The following KCNJ1 variants were observed in gnomAD, a reference collection of about 807,000 sequenced individuals.
KCNJ1 encodes the protein potassium inwardly rectifying channel subfamily J member 1.
KCNJ1 carries 24 observed loss-of-function variants against 21.9 expected under a neutral mutation model. The ratio of observed to expected loss-of-function variants is 1.10; its 90% confidence interval spans 0.79 to 1.54. The LOEUF (loss-of-function observed/expected upper bound fraction) is 1.54. Among genes scored for constraint, KCNJ1 ranks in the 40% most tolerant of loss-of-function variants. The pLI, the probability that KCNJ1 is intolerant of heterozygous loss-of-function variation, is 0.00. For missense variants in KCNJ1, 457 were observed against 455.4 expected, an observed-to-expected ratio of 1.00 and a Z score of -0.03; for synonymous variants, 152 against 160.9, an observed-to-expected ratio of 0.94 and a Z score of 0.42.
intron 1 of KCNJ1, among the ~76,000 whole-genome samples, chr11:128,858,699 G>A (rs140024028): frequency 1.1e-3 from 162 of 152,260 alleles, no homozygotes; most frequent in Non-Finnish European, 7.2e-4. Flanking sequence ...TTTACGGAGC[G>A]TCTATGTCAC....
At chr11:128,857,392 A>G (rs1943608944) in intron 1 of KCNJ1, among the ~76,000 whole-genome samples, 2 of 151,974 alleles carry the variant, frequency 1.3e-5, no homozygotes, top group South Asian at 4.2e-4. Context: ...TCTCCCCTCT[A>G]CAGAACACAC....
intron 2 of KCNJ1, among the ~76,000 whole-genome samples, chr11:128,846,603 T>C (rs2135946704): frequency 6.6e-6 from 1 of 152,216 alleles, no homozygotes; most frequent in East Asian, 1.9e-4. Flanking sequence ...AATACAAACA[T>C]GTTTTATAAA....
chr11:128,844,549 T>C (rs559167972), intron 2 of KCNJ1, among the ~76,000 whole-genome samples: 1 of 152,354 alleles, frequency 6.6e-6, no homozygotes, highest in African/African-American at 2.4e-5. Context: ...TCCATAAAAA[T>C]ATGTGCTTCA....
At chr11:128,865,358 T>C (rs1943798404) in intron 1 of KCNJ1, among the ~76,000 whole-genome samples, 1 of 152,072 alleles carries the variant, frequency 6.6e-6, no homozygotes, top group African/African-American at 2.4e-5. Flanking sequence ...CTAGCCCAAG[T>C]ACCTGCCCTC....
chr11:128,865,637 A>G (rs1943804510), intron 1 of KCNJ1, among the ~76,000 whole-genome samples: 1 of 152,182 alleles, frequency 6.6e-6, no homozygotes, highest in African/African-American at 2.4e-5. Flanking sequence ...AGAGGGCACC[A>G]GGAAGCCTTC....
chr11:128,839,455 T>G lies in KCNJ1; in HGVS notation c.789A>C (p.Ala263=). 2 of 1,614,174 alleles carry G rather than the reference T, an allele frequency of 1.2e-6. No homozygotes were observed. Among genetic ancestry groups the G allele is most frequent in the Non-Finnish European group, 1.7e-6 (2 of 1,180,022 alleles). Reference sequence around the variant, plus strand: ...AGTCCTGCTGGAGAAGGGTCTCCGCTGCCATGTGGAAGAAAGGGCTGTTGT... The same window carrying G: ...AGTCCTGCTGGAGAAGGGTCTCCGCGGCCATGTGGAAGAAAGGGCTGTTGT... ...IDHNSPFFHM[A]AETLLQQDFE... The change falls in exon 3 of 3, where the codon GCA becomes GCC. Residue 263 remains alanine, a synonymous_variant. Transcript: ENST00000392666.
intron 1 of KCNJ1, among the ~76,000 whole-genome samples, chr11:128,861,712 G>A (rs1943711464): frequency 6.6e-6 from 1 of 152,120 alleles, no homozygotes; most frequent in South Asian, 2.1e-4. Flanking sequence ...CTGCCTGTCG[G>A]TAAGCGGCCA....
At chr11:128,849,010 G>A (rs1447545743) in intron 2 of KCNJ1, among the ~76,000 whole-genome samples, 1 of 152,132 alleles carries the variant, frequency 6.6e-6, no homozygotes, top group Non-Finnish European at 1.5e-5. Flanking sequence ...AGTGAACAGC[G>A]CCCCCTGGAG....
intron 1 of KCNJ1, among the ~76,000 whole-genome samples, chr11:128,856,138 T>C (rs1943585136): frequency 6.6e-6 from 1 of 152,126 alleles, no homozygotes; most frequent in Non-Finnish European, 1.5e-5. Flanking sequence ...AGCATCTTTG[T>C]GTACATGAGG....
chr11:128,860,654 G>A (rs769441903), intron 1 of KCNJ1, among the ~76,000 whole-genome samples: 12 of 152,178 alleles, frequency 7.9e-5, no homozygotes, highest in Non-Finnish European at 1.5e-4. Flanking sequence ...GCCTGGAGAC[G>A]CAATAGCCTG....
intron 2 of KCNJ1, among the ~76,000 whole-genome samples, chr11:128,849,938 C>T (rs1259516279): frequency 6.6e-6 from 1 of 152,164 alleles, no homozygotes; most frequent in Non-Finnish European, 1.5e-5. Context: ...GGCAAACCTG[C>T]CAGTGACGAT....
Position 128,866,601 on chromosome 11 carries a change from A to T in KCNJ1, c.-192+572T>A, listed in dbSNP as rs920724998. ...CAACAGTCATTAGGAAGCTGAACAA[A>T]TGTTGAGAAATCCAAATGTATCCAT... On this transcript the variant is annotated intron_variant, in intron 1 of 2. Transcript: ENST00000392666. The T allele has an allele frequency of 6.2e-6, 5 of 812,618 alleles. No homozygotes were observed. The African/African-American group carries it at 9.3e-5, about 15-fold the overall frequency. The allele number at this position is 812,618 out of a possible 1,614,324, so 50.3% of individuals were successfully genotyped here.
chr11:128,847,806 C>A (rs1943406685), intron 2 of KCNJ1, among the ~76,000 whole-genome samples: 1 of 152,192 alleles, frequency 6.6e-6, no homozygotes, highest in Non-Finnish European at 1.5e-5. Context: ...GAAATCAATG[C>A]TTTGGAAGGT....
intron 2 of KCNJ1, among the ~76,000 whole-genome samples, chr11:128,844,766 A>G (rs951675387): frequency 2.0e-5 from 3 of 152,190 alleles, no homozygotes; most frequent in African/African-American, 7.2e-5. Context: ...ACTATGTCAA[A>G]GAGGGGAAAG....
At chr11:128,866,299 C>A (rs961244190) in intron 1 of KCNJ1, among the ~76,000 whole-genome samples, 50 of 152,166 alleles carry the variant, frequency 3.3e-4, no homozygotes, top group African/African-American at 1.2e-3. Context: ...AATCCAGGTA[C>A]AACCAGCAGA....
intron 1 of KCNJ1, among the ~76,000 whole-genome samples, chr11:128,852,308 G>A (rs2061714227): frequency 6.6e-6 from 1 of 152,188 alleles, no homozygotes; most frequent in African/African-American, 2.4e-5. Context: ...TTAATCCTGG[G>A]CTGCTCTTGC....
chr11:128,858,112 T>C lies in KCNJ1; in HGVS notation c.-191-7222A>G, dbSNP rs576779966. On this transcript the variant is annotated intron_variant, in intron 1 of 2. Transcript: ENST00000392666. Reference sequence around the variant, plus strand: ...CACGATGGCGAGAGATGGGGAGGGATGGGGCAGGATGGGGAGGGATGGTGA... The same window carrying C: ...CACGATGGCGAGAGATGGGGAGGGACGGGGCAGGATGGGGAGGGATGGTGA... Among the ~76,000 whole-genome samples, 32 of 85,454 alleles carry C rather than the reference T, an allele frequency of 3.7e-4. No homozygotes were observed. The South Asian group carries it at 0.013, about 34-fold the overall frequency. The allele number at this position is 85,454 out of a possible 152,430, so 56.1% of individuals were successfully genotyped here. A position where few individuals can be genotyped will look rare whatever the true frequency, so the allele number is the denominator to read the frequency against.
chr11:128,850,765 A>G lies in KCNJ1; in HGVS notation c.-66T>C, dbSNP rs552665169. On this transcript the variant is annotated 5_prime_UTR_variant, in exon 2 of 3. Coordinates refer to ENST00000392666, the MANE Select transcript of KCNJ1 (RefSeq NM_153766.3). The stretch of plus-strand genomic sequence containing the variant: ...GGAGATGATTTTCAAAACTTCATGT[A>G]TAAGTAGATCTTGGGGTGACCAGCA... 225 of 985,456 alleles carry G rather than the reference A, an allele frequency of 2.3e-4. No homozygotes were observed. The South Asian group carries it at 9.5e-3, about 42-fold the overall frequency. The allele number at this position is 985,456 out of a possible 1,614,324, so 61.0% of individuals were successfully genotyped here. A position where few individuals can be genotyped will look rare whatever the true frequency, so the allele number is the denominator to read the frequency against.
intron 1 of KCNJ1, among the ~76,000 whole-genome samples, chr11:128,863,340 A>C (rs979796481): frequency 1.3e-5 from 2 of 152,224 alleles, no homozygotes; most frequent in Non-Finnish European, 2.9e-5. Context: ...CTTGTATTTC[A>C]AGGATTATTC....
Sources: allele counts gnomAD v4.1 joint callset (sites outside exome capture counted in the v4.1 genomes callset), GRCh38; gene constraint gnomAD v4.1.1; transcripts MANE v1.5; gene names NCBI Gene and HGNC (gene_info 2026-07-23, HGNC 2026-07-21).